The following FAM107B variants were observed in gnomAD, a reference collection of about 807,000 sequenced individuals.
FAM107B encodes the protein protein FAM107B.
In FAM107B, 21 loss-of-function variants were observed where a neutral mutation model predicts 31.5. The ratio of observed to expected loss-of-function variants is 0.67; its 90% CI spans 0.47 to 0.96. The LOEUF (loss-of-function observed/expected upper bound fraction) is 0.96. FAM107B is among the 40% of genes least tolerant of loss of function. The pLI is 0.00. For missense variants in FAM107B, 452 were observed against 377.1 expected (o/e 1.20, Z -1.64); for synonymous variants, 157 against 141.5 (o/e 1.11, Z -0.78).
intron 1 of FAM107B, among the ~76,000 whole-genome samples, chr10:14,716,637 G>A (rs868466610): frequency 7.2e-5 from 11 of 152,230 alleles, no homozygotes; most frequent in African/African-American, 2.7e-4. Context: ...GCCAAGGAGT[G>A]ATAGGGTAGG....
intron 3 of FAM107B, among the ~76,000 whole-genome samples, chr10:14,528,198 T>TC (rs1846535409): frequency 2.8e-5 from 3 of 105,534 alleles, no homozygotes; most frequent in African/African-American, 1.0e-4. Context: ...TTTTTTTTTT[T>TC]AGAGACAGAG....
At chr10:14,726,893 T>C (rs1034228268) in intron 1 of FAM107B, among the ~76,000 whole-genome samples, 2 of 152,132 alleles carry the variant, frequency 1.3e-5, no homozygotes, top group East Asian at 1.9e-4. Flanking sequence ...TCTATTATTA[T>C]TACATTGTAA....
chr10:14,705,180 T>TTA (rs1207178986), intron 1 of FAM107B, among the ~76,000 whole-genome samples: 1 of 152,048 alleles, frequency 6.6e-6, no homozygotes, highest in African/African-American at 2.4e-5. Context: ...TTCACACCCA[T>TTA]TAGAATGACC....
chr10:14,683,757 T>C (rs551004165), intron 1 of FAM107B, among the ~76,000 whole-genome samples: 1 of 152,306 alleles, frequency 6.6e-6, no homozygotes, highest in Non-Finnish European at 1.5e-5. Flanking sequence ...CTGTAAACAC[T>C]TGTCGAATGA....
chr10:14,592,324 T>G (rs1420807729), intron 2 of FAM107B, among the ~76,000 whole-genome samples: 1 of 152,190 alleles, frequency 6.6e-6, no homozygotes, highest in Non-Finnish European at 1.5e-5. Flanking sequence ...TACAGGTTCC[T>G]TTGCTGGAAA....
intron 1 of FAM107B, among the ~76,000 whole-genome samples, chr10:14,671,341 TA>T (rs1854535897): frequency 6.6e-6 from 1 of 152,102 alleles, no homozygotes; most frequent in Admixed American, 6.5e-5. Flanking sequence ...GAATGGTGAG[TA>T]AAACAGGGTT....
intron 2 of FAM107B, among the ~76,000 whole-genome samples, chr10:14,547,089 T>A (rs1384137542): frequency 6.6e-6 from 1 of 152,150 alleles, no homozygotes; most frequent in African/African-American, 2.4e-5. Context: ...AATCACCCAG[T>A]CCAACAACAA....
intron 2 of FAM107B, among the ~76,000 whole-genome samples, chr10:14,598,572 C>G (rs890022566): frequency 1.3e-5 from 2 of 152,238 alleles, no homozygotes; most frequent in East Asian, 1.9e-4. Context: ...AGTTACCAAT[C>G]AATGGGCCCA....
intron 1 of FAM107B, chr10:14,723,489 A>T (rs1442390724): frequency 3.4e-6 from 2 of 583,612 alleles, no homozygotes; most frequent in East Asian, 3.8e-5. Flanking sequence ...GTTTACAGGA[A>T]ATGGTACCAC....
chr10:14,613,767 G>A lies in FAM107B; in HGVS notation c.469+53867C>T, dbSNP rs531268303. 3.3e-5 allele frequency among the ~76,000 whole-genome samples: 5 copies of A among 152,250 alleles called. No individual in the cohort carries two copies. In the East Asian group the frequency reaches 7.7e-4, roughly 23 times the overall value. On this transcript the variant is annotated intron_variant, in intron 2 of 4. Coordinates refer to ENST00000181796, the MANE Select transcript of FAM107B (RefSeq NM_031453.4). Reference sequence around the variant, plus strand: ...TCTCACAAACAGGCCACATCAGCTAGGCTAATCTAGTAAAACAAATTATAC... The same window carrying A: ...TCTCACAAACAGGCCACATCAGCTAAGCTAATCTAGTAAAACAAATTATAC...
chr10:14,705,553 A>G (rs1409958357), intron 1 of FAM107B, among the ~76,000 whole-genome samples: 1 of 152,186 alleles, frequency 6.6e-6, no homozygotes, highest in Non-Finnish European at 1.5e-5. Flanking sequence ...GAATTCTGAC[A>G]CACACCACAA....
intron 1 of FAM107B, among the ~76,000 whole-genome samples, chr10:14,669,478 A>G (rs1207487511): frequency 6.6e-6 from 1 of 152,166 alleles, no homozygotes; most frequent in East Asian, 1.9e-4. Flanking sequence ...AAAGATATGG[A>G]ATCAACTATC....
intron 1 of FAM107B, among the ~76,000 whole-genome samples, chr10:14,731,316 G>T (rs976018359): frequency 9.9e-5 from 15 of 152,150 alleles, no homozygotes; most frequent in Non-Finnish European, 2.1e-4. Context: ...AATCCCAGCA[G>T]TATGGGGGGC....
At chr10:14,559,269 A>G (rs944026009) in intron 2 of FAM107B, among the ~76,000 whole-genome samples, 1 of 152,212 alleles carries the variant, frequency 6.6e-6, no homozygotes, top group Non-Finnish European at 1.5e-5. Context: ...TTGGTGGACC[A>G]TCTCTTCTCC....
At chr10:14,565,900 T>C (rs1442661530) in intron 2 of FAM107B, among the ~76,000 whole-genome samples, 1 of 152,108 alleles carries the variant, frequency 6.6e-6, no homozygotes, top group Non-Finnish European at 1.5e-5. Context: ...AAATCCCAGC[T>C]GGCAAATGCT....
chr10:14,644,050 C>T (rs1853695912), intron 2 of FAM107B, among the ~76,000 whole-genome samples: 2 of 152,308 alleles, frequency 1.3e-5, no homozygotes, highest in South Asian at 4.1e-4. Flanking sequence ...GAGAAGGAGA[C>T]ATAGAGGGTA....
chr10:14,581,388 G>A (rs945743425), intron 2 of FAM107B, among the ~76,000 whole-genome samples: 2 of 152,208 alleles, frequency 1.3e-5, no homozygotes, highest in Non-Finnish European at 1.5e-5. Flanking sequence ...CTGGAACCCG[G>A]GTCAGGCTCA....
chr10:14,555,594 C>T (rs1849622857), intron 2 of FAM107B, among the ~76,000 whole-genome samples: 1 of 152,162 alleles, frequency 6.6e-6, no homozygotes, highest in Non-Finnish European at 1.5e-5. Context: ...TTAAAATGTT[C>T]ACTTCTGAGA....
intron 2 of FAM107B, among the ~76,000 whole-genome samples, chr10:14,606,370 G>C (rs796478232): frequency 2.0e-5 from 3 of 152,184 alleles, no homozygotes; most frequent in African/African-American, 7.2e-5. Flanking sequence ...ACCCGACATG[G>C]TATTGGCGTT....
Sources: gnomAD v4.1 joint callset for allele counts (sites outside exome capture counted in the v4.1 genomes callset) on GRCh38, gnomAD v4.1.1 for gene constraint, MANE v1.5 for transcripts, NCBI Gene and HGNC (gene_info 2026-07-23, HGNC 2026-07-21) for gene names.